Variants in PRKCA observed in about 807,000 individuals in gnomAD.
PRKCA encodes protein kinase C alpha type.
PRKCA carries 27 observed loss-of-function variants against 87.0 expected under a neutral mutation model. The observed-to-expected ratio is 0.31, with a 90% confidence interval of 0.23 to 0.43. The LOEUF (loss-of-function observed/expected upper bound fraction) is 0.43. Ranked by LOEUF, PRKCA falls within the 20% of genes least tolerant of loss-of-function variation. The pLI is 1.00. For missense variants in PRKCA, 518 were observed against 852.3 expected (o/e 0.61, Z 4.88); for synonymous variants, 329 against 311.1 (o/e 1.06, Z -0.61).
chr17:66,705,514 A>G (rs1258062051), intron 8 of PRKCA, among the ~76,000 whole-genome samples: 5 of 152,236 alleles, frequency 3.3e-5, no homozygotes, highest in Non-Finnish European at 7.3e-5. Flanking sequence ...TGTGCATTCT[A>G]GTTGTCTGTC....
intron 2 of PRKCA, among the ~76,000 whole-genome samples, chr17:66,391,039 A>G (rs564937804): frequency 1.3e-5 from 2 of 152,308 alleles, no homozygotes; most frequent in East Asian, 3.9e-4. Context: ...GACAGATCCC[A>G]TGGACTCATC....
chr17:66,441,114 A>G (rs1913721636), intron 2 of PRKCA, among the ~76,000 whole-genome samples: 1 of 147,662 alleles, frequency 6.8e-6, no homozygotes, highest in Admixed American at 7.0e-5. Flanking sequence ...TTGAGCCCAG[A>G]TCGCGGCACT....
intron 5 of PRKCA, among the ~76,000 whole-genome samples, chr17:66,653,177 G>T (rs1971637591): frequency 6.6e-6 from 1 of 152,238 alleles, no homozygotes; most frequent in African/African-American, 2.4e-5. Flanking sequence ...CTGGGATTGG[G>T]AGCCACTAGT....
At chr17:66,432,471 G>T (rs1417437271) in intron 2 of PRKCA, among the ~76,000 whole-genome samples, 1 of 152,154 alleles carries the variant, frequency 6.6e-6, no homozygotes, top group Non-Finnish European at 1.5e-5. Context: ...CCCTCAGGGA[G>T]AATCTTCCCT....
At chr17:66,769,355 C>CA (rs534779519) in intron 13 of PRKCA, among the ~76,000 whole-genome samples, 27,553 of 127,734 alleles carry the variant, frequency 0.22, 2,850 homozygotes, top group African/African-American at 0.31. Flanking sequence ...GACACTGTCT[C>CA]AAAAAAAAAA....
Position 66,742,763 on chromosome 17 carries a change from A to G in PRKCA, c.1524+3A>G, listed in dbSNP as rs779682149. The stretch of plus-strand genomic sequence containing the variant: ...CTCCAGATTATATCGCCCCAGAGGT[A>G]GGAACCCCAGTGATCGTTTTCTCAA... On this transcript the variant is annotated splice_donor_region_variant and intron_variant, in intron 13 of 16. Transcript: ENST00000413366. 6.2e-7 allele frequency: 1 copy of G among 1,613,156 alleles called. No individual in the cohort carries two copies. Among genetic ancestry groups the G allele is most frequent in the Non-Finnish European group, 8.5e-7 (1 of 1,179,822 alleles).
At chr17:66,532,403 T>G (rs1290222837) in intron 3 of PRKCA, among the ~76,000 whole-genome samples, 1 of 112,690 alleles carries the variant, frequency 8.9e-6, no homozygotes, top group East Asian at 3.8e-4. Flanking sequence ...TCTTGCTCTG[T>G]CACCCAGGGT....
At chr17:66,785,983 C>T (rs1248831161) in intron 14 of PRKCA, among the ~76,000 whole-genome samples, 1 of 152,228 alleles carries the variant, frequency 6.6e-6, no homozygotes, top group Non-Finnish European at 1.5e-5. Context: ...CGCTCGCCAC[C>T]ATGCCCGGCT....
At chr17:66,466,516 C>A (rs555060437) in intron 2 of PRKCA, among the ~76,000 whole-genome samples, 1 of 152,290 alleles carries the variant, frequency 6.6e-6, no homozygotes, top group Non-Finnish European at 1.5e-5. Flanking sequence ...TCTCTTCCTC[C>A]ACGTTTTCTT....
intron 15 of PRKCA, among the ~76,000 whole-genome samples, chr17:66,787,977 G>C (rs1975441530): frequency 6.6e-6 from 1 of 152,126 alleles, no homozygotes; most frequent in Admixed American, 6.6e-5. Flanking sequence ...TCCTGCTTTG[G>C]TTTGAGGCTG....
chr17:66,539,241 G>A (rs1907025080), intron 3 of PRKCA, among the ~76,000 whole-genome samples: 1 of 152,192 alleles, frequency 6.6e-6, no homozygotes, highest in African/African-American at 2.4e-5. Flanking sequence ...CAGGCTGAGT[G>A]TATGTGTGTA....
chr17:66,465,949 T>G (rs1472115618), intron 2 of PRKCA, among the ~76,000 whole-genome samples: 1 of 152,212 alleles, frequency 6.6e-6, no homozygotes, highest in Non-Finnish European at 1.5e-5. Flanking sequence ...ATAACTCAGT[T>G]TGTATAGCCT....
At chr17:66,607,731 G>T (rs148116135) in intron 3 of PRKCA, among the ~76,000 whole-genome samples, 4 of 152,126 alleles carry the variant, frequency 2.6e-5, no homozygotes, top group Non-Finnish European at 4.4e-5. Flanking sequence ...GGTAGAGTGT[G>T]GGGGGCCGGG....
intron 2 of PRKCA, among the ~76,000 whole-genome samples, chr17:66,372,557 T>C (rs1192418179): frequency 6.6e-6 from 1 of 152,238 alleles, no homozygotes; most frequent in East Asian, 1.9e-4. Context: ...TTATGTGTAT[T>C]CTTTATTTTG....
At chr17:66,700,764 A>G (rs1014830774) in intron 8 of PRKCA, among the ~76,000 whole-genome samples, 1 of 152,222 alleles carries the variant, frequency 6.6e-6, no homozygotes, top group Non-Finnish European at 1.5e-5. Context: ...CTGTACACTG[A>G]AAAATAGAAA....
intron 3 of PRKCA, among the ~76,000 whole-genome samples, chr17:66,628,466 T>C (rs1164708154): frequency 1.3e-5 from 2 of 152,202 alleles, no homozygotes; most frequent in Non-Finnish European, 2.9e-5. Context: ...TGTTAGATTT[T>C]TTAAAAAGCT....
chr17:66,555,673 A>C (rs989808151), intron 3 of PRKCA, among the ~76,000 whole-genome samples: 1 of 152,156 alleles, frequency 6.6e-6, no homozygotes, highest in Non-Finnish European at 1.5e-5. Context: ...AACTCCACCC[A>C]GGTTCTTATT....
intron 3 of PRKCA, among the ~76,000 whole-genome samples, chr17:66,556,755 T>C (rs1968507838): frequency 6.6e-6 from 1 of 152,336 alleles, no homozygotes; most frequent in Non-Finnish European, 1.5e-5. Flanking sequence ...TGCCGCCTTG[T>C]GAAGGACATG....
At chr17:66,466,328 C>T (rs889807256) in intron 2 of PRKCA, among the ~76,000 whole-genome samples, 5 of 152,028 alleles carry the variant, frequency 3.3e-5, no homozygotes, top group African/African-American at 1.2e-4. Flanking sequence ...GAGCTTGGTC[C>T]CAGGTGTCCC....
Sources: allele counts gnomAD v4.1 joint callset (sites outside exome capture counted in the v4.1 genomes callset), GRCh38; gene constraint gnomAD v4.1.1; transcripts MANE v1.5; gene names NCBI Gene and HGNC (gene_info 2026-07-23, HGNC 2026-07-21).